ZNF675: variants seen among roughly 807,000 people sequenced by gnomAD.
ZNF675 encodes zinc finger protein 675, also known as TRAF6 inhibitory zinc finger.
In ZNF675, 36 loss-of-function variants were observed where a neutral mutation model predicts 56.1. The observed-to-expected ratio is 0.64, with a 90% CI of 0.49 to 0.85. The LOEUF (loss-of-function observed/expected upper bound fraction) is 0.85, where lower values mean the gene tolerates loss of function less well. ZNF675 is among the 40% of genes least tolerant of loss of function. The pLI is 0.00. For missense variants in ZNF675, 663 were observed against 654.2 expected (o/e 1.01, Z -0.15); for synonymous variants, 200 against 218.9 (o/e 0.91, Z 0.76).
chr19:23,664,643 C>G (rs1316416455), intron 1 of ZNF675, among the ~76,000 whole-genome samples: 1 of 152,140 alleles, frequency 6.6e-6, no homozygotes, highest in Non-Finnish European at 1.5e-5. Flanking sequence ...GTTAGAGTCA[C>G]AAGAGGCACT....
chr19:23,677,448 G>A (rs1968312837), intron 1 of ZNF675, among the ~76,000 whole-genome samples: 1 of 151,704 alleles, frequency 6.6e-6, no homozygotes, highest in African/African-American at 2.4e-5. Flanking sequence ...GCTCACGCCT[G>A]TAATCCCAGC....
At position 23,687,074 on chromosome 19, in the gene ZNF675, C is replaced by A. The variant is rs1465270618; in HGVS notation, c.-41G>T. The A allele has an allele frequency of 5.6e-6, 9 of 1,612,664 alleles. No individual in the cohort carries two copies. The highest frequency in any genetic ancestry group is 7.6e-6 in the Non-Finnish European group (9 of 1,179,200). ...GGGTCCTGGAGTCTTAGCTGTGGAT[C>A]TCTCAATTTCTGCAGGTCACAGGCC... On this transcript the variant is annotated 5_prime_UTR_variant, in exon 1 of 4. Transcript: ENST00000359788.
At chr19:23,666,376 T>C (rs984515746) in intron 1 of ZNF675, among the ~76,000 whole-genome samples, 2 of 152,218 alleles carry the variant, frequency 1.3e-5, no homozygotes, top group African/African-American at 4.8e-5. Context: ...CAGCATCTGA[T>C]TGGTTTCTTC....
chr19:23,657,751 C>T (rs1485950289), intron 3 of ZNF675, among the ~76,000 whole-genome samples: 2 of 151,928 alleles, frequency 1.3e-5, no homozygotes, highest in Admixed American at 1.3e-4. Flanking sequence ...CATGACTAAT[C>T]ACTTAGACAA....
chr19:23,671,112 G>C (rs2144940584), intron 1 of ZNF675, among the ~76,000 whole-genome samples: 1 of 152,236 alleles, frequency 6.6e-6, no homozygotes, highest in South Asian at 2.1e-4. Context: ...ATGTTTTATG[G>C]CAGGTTGGAG....
intron 2 of ZNF675, among the ~76,000 whole-genome samples, chr19:23,662,677 T>C (rs1228623218): frequency 6.6e-6 from 1 of 152,026 alleles, no homozygotes; most frequent in Non-Finnish European, 1.5e-5. Flanking sequence ...ACCTTTACGG[T>C]ATATTAGAAA....
At chr19:23,683,514 T>G (rs1365968162) in intron 1 of ZNF675, among the ~76,000 whole-genome samples, 1 of 152,044 alleles carries the variant, frequency 6.6e-6, no homozygotes, top group Non-Finnish European at 1.5e-5. Context: ...CTCCACCTCC[T>G]GGGTTCAAGC....
At chr19:23,670,801 T>G (rs1968218284) in intron 1 of ZNF675, among the ~76,000 whole-genome samples, 1 of 152,156 alleles carries the variant, frequency 6.6e-6, no homozygotes. Context: ...CTTTGATCTC[T>G]CATGGAGAGA....
At position 23,662,317 on chromosome 19, in the gene ZNF675, T is replaced by A. The variant is rs574301198; in HGVS notation, c.131-108A>T. ...GTAATGGAATAGTCTAGTAAATTAA[T>A]CCCAAAATACTGACTTATAACAGAA... On this transcript the variant is annotated intron_variant, in intron 2 of 3. Transcript: ENST00000359788. The A allele has an allele frequency of 2.8e-4, 202 of 726,698 alleles. 1 individual carries two copies. The East Asian group carries it at 4.4e-3, about 16-fold the overall frequency. The allele number at this position is 726,698 out of a possible 1,614,324, so 45.0% of individuals were successfully genotyped here. A position where few individuals can be genotyped will look rare whatever the true frequency, so the allele number is the denominator to read the frequency against.
At position 23,653,699 on chromosome 19, in the gene ZNF675, T is replaced by C. The variant is rs1967941174; in HGVS notation, c.1234A>G (p.Thr412Ala). The change falls in exon 4 of 4, where the codon ACT (threonine) becomes GCT (alanine). Residue 412 changes from threonine (T) to alanine (A), a missense_variant. Physicochemically the swap from Thr to Ala is moderately conservative, Grantham distance 58. This residue lies in a region of ZNF675 where 617 missense variants were observed against 590.5 expected (regional missense o/e 1.04). Coordinates refer to ENST00000359788, the MANE Select transcript of ZNF675 (RefSeq NM_138330.3). ...GKAFKHSSAL[T>A]THKRIHTGEK... ...CCAGTGTGAATTCTCTTATGTGTAG[T>C]AAGGGCTGAGGAGTGTTTAAAAGCT... 5.6e-6 allele frequency: 9 copies of C among 1,613,718 alleles called. No homozygotes were observed. The highest frequency in any genetic ancestry group is 7.6e-6 in the Non-Finnish European group (9 of 1,179,974).
At position 23,663,027 on chromosome 19, in the gene ZNF675, C is replaced by T. The variant is rs1202271752; in HGVS notation, c.130+5G>A. The stretch of plus-strand genomic sequence containing the variant: ...AAAGAAACTGTGTGTTTAAGTTATC[C>T]TTACCCAGGAAGACCAGGTTTCTGT... On this transcript the variant is annotated splice_donor_5th_base_variant and intron_variant, in intron 2 of 3. Transcript: ENST00000359788. 1.9e-6 allele frequency: 3 copies of T among 1,575,404 alleles called. No individual in the cohort carries two copies. Among genetic ancestry groups the T allele is most frequent in the South Asian group, 2.4e-5 (2 of 84,852 alleles).
chr19:23,680,602 C>CA (rs1213171324), intron 1 of ZNF675, among the ~76,000 whole-genome samples: 3 of 151,152 alleles, frequency 2.0e-5, no homozygotes, highest in African/African-American at 7.4e-5. Flanking sequence ...ACTGAAAATA[C>CA]AAAAATTAGC....
intron 1 of ZNF675, 92 bp from the exon 2 acceptor site, chr19:23,663,250 G>C (rs1968105006): frequency 6.8e-7 from 1 of 1,463,752 alleles, no homozygotes; most frequent in South Asian, 1.2e-5. Flanking sequence ...AAGAGAACAG[G>C]TTCTGATTTA....
chr19:23,667,231 C>T (rs1599416094), intron 1 of ZNF675, among the ~76,000 whole-genome samples: 1 of 152,054 alleles, frequency 6.6e-6, no homozygotes, highest in Admixed American at 6.6e-5. Flanking sequence ...TCACTGGCTT[C>T]AGGAGTGAAG....
chr19:23,680,471 AG>A (rs1279556606), intron 1 of ZNF675, among the ~76,000 whole-genome samples: 1 of 151,620 alleles, frequency 6.6e-6, no homozygotes, highest in African/African-American at 2.4e-5. Context: ...TTTATAAATA[AG>A]AACTGGCTGG....
At chr19:23,660,909 A>T (rs1214452944) in intron 3 of ZNF675, among the ~76,000 whole-genome samples, 1 of 150,204 alleles carries the variant, frequency 6.7e-6, no homozygotes, top group East Asian at 2.0e-4. Context: ...ACAAAGTAGA[A>T]GAATATCATA....
At chr19:23,679,093 G>A (rs1338772924) in intron 1 of ZNF675, among the ~76,000 whole-genome samples, 1 of 148,902 alleles carries the variant, frequency 6.7e-6, no homozygotes, top group South Asian at 2.1e-4. Flanking sequence ...CATGAACTCG[G>A]GAGGCGGAGC....
chr19:23,679,759 G>A (rs1968351299), intron 1 of ZNF675, among the ~76,000 whole-genome samples: 3 of 151,568 alleles, frequency 2.0e-5, no homozygotes, highest in Non-Finnish European at 4.4e-5. Context: ...GGGATGCAGA[G>A]GCAGGTGGAT....
chr19:23,669,040 C>T (rs1174851057), intron 1 of ZNF675, among the ~76,000 whole-genome samples: 1 of 152,230 alleles, frequency 6.6e-6, no homozygotes, highest in Non-Finnish European at 1.5e-5. Context: ...GCAGAGGAGG[C>T]GCCGAGAGCA....
Sources: gnomAD v4.1 joint callset for allele counts (sites outside exome capture counted in the v4.1 genomes callset) on GRCh38, gnomAD v4.1.1 for gene constraint, gnomAD v4.1.1 regional missense constraint, MANE v1.5 for transcripts, NCBI Gene and HGNC (gene_info 2026-07-23, HGNC 2026-07-21) for gene names.